Variants in PRDM11 observed in about 807,000 individuals in gnomAD.
PRDM11 encodes PR domain-containing protein 11.
Under a neutral mutation model 97.8 loss-of-function variants are expected in PRDM11, and 20 were observed. The ratio of observed to expected loss-of-function variants is 0.20; its 90% CI spans 0.14 to 0.30. The LOEUF (loss-of-function observed/expected upper bound fraction) is 0.30, where lower values mean the gene tolerates loss of function less well. Among genes scored for constraint, PRDM11 ranks in the 10% least tolerant of loss-of-function variants. The pLI, the probability that PRDM11 is intolerant of heterozygous loss-of-function variation, is 1.00. For synonymous variants in PRDM11, 599 were observed against 637.7 expected (o/e 0.94, Z 0.91); for missense variants, 1,139 against 1,555.2 (o/e 0.73, Z 4.50).
At chr11:45,193,656 T>C (rs1000444170) in intron 4 of PRDM11, among the ~76,000 whole-genome samples, 1 of 152,246 alleles carries the variant, frequency 6.6e-6, no homozygotes, top group Non-Finnish European at 1.5e-5. Flanking sequence ...TTAAAAATCA[T>C]TCTTAGCCTG....
chr11:45,198,342 G>C (rs769913060), intron 4 of PRDM11, among the ~76,000 whole-genome samples: 2 of 152,230 alleles, frequency 1.3e-5, no homozygotes, highest in Non-Finnish European at 2.9e-5. Context: ...CAGGTCTTCA[G>C]TTGGCTGGGC....
At chr11:45,192,598 A>T (rs1247604961) in intron 4 of PRDM11, among the ~76,000 whole-genome samples, 1 of 152,252 alleles carries the variant, frequency 6.6e-6, no homozygotes, top group Non-Finnish European at 1.5e-5. Flanking sequence ...TTTCCAGTAC[A>T]GACCAGCTCC....
rs1363126766 is a variant in PRDM11 at position 45,228,413 on chromosome 11, C to T, written c.*254C>T. The T allele has an allele frequency of 6.5e-6, 1 of 154,190 alleles. No homozygotes were observed. The highest frequency in any genetic ancestry group is 2.4e-5 in the African/African-American group (1 of 41,392). 9.6% of individuals were successfully genotyped at this position (154,190 alleles called of 1,614,324 possible). A position where few individuals can be genotyped will look rare whatever the true frequency, so the allele number is the denominator to read the frequency against. On this transcript the variant is annotated 3_prime_UTR_variant, in exon 8 of 8. Transcript: ENST00000683152. ...AATTTGGCAGCTGCAACATACATGG[C>T]AACTCATTTTCACTCACAGAAGCAC...
At chr11:45,171,527 A>G (rs1852200978) in intron 1 of PRDM11, among the ~76,000 whole-genome samples, 1 of 152,094 alleles carries the variant, frequency 6.6e-6, no homozygotes, top group Admixed American at 6.5e-5. Flanking sequence ...TCTTGGGCTT[A>G]AGGGAGAGGG....
At chr11:45,185,753 C>T (rs1258780952) in intron 4 of PRDM11, among the ~76,000 whole-genome samples, 1 of 152,110 alleles carries the variant, frequency 6.6e-6, no homozygotes, top group Non-Finnish European at 1.5e-5. Context: ...CATAATGTCC[C>T]CCCAAAAATG....
intron 1 of PRDM11, among the ~76,000 whole-genome samples, chr11:45,111,886 T>C (rs1852189514): frequency 6.6e-6 from 1 of 152,214 alleles, no homozygotes; most frequent in East Asian, 1.9e-4. Flanking sequence ...ATCAGGCTGA[T>C]ACTGTACAAT....
intron 1 of PRDM11, among the ~76,000 whole-genome samples, chr11:45,149,129 G>A (rs1851598224): frequency 6.6e-6 from 1 of 152,248 alleles, no homozygotes; most frequent in Non-Finnish European, 1.5e-5. Flanking sequence ...TCAAGCCATC[G>A]CTGTCTCTCC....
intron 1 of PRDM11, among the ~76,000 whole-genome samples, chr11:45,132,006 C>T (rs1852732212): frequency 6.6e-6 from 1 of 152,148 alleles, no homozygotes; most frequent in African/African-American, 2.4e-5. Context: ...AGCTGAGCAA[C>T]AGAAAGAGGA....
chr11:45,186,375 G>A (rs1852706610), intron 4 of PRDM11, among the ~76,000 whole-genome samples: 2 of 152,208 alleles, frequency 1.3e-5, no homozygotes, highest in Non-Finnish European at 2.9e-5. Context: ...GCACTCTGGT[G>A]TGTGTGGCTC....
Position 45,227,041 on chromosome 11 carries a change from C to T in PRDM11, c.2416C>T (p.Arg806Trp), listed in dbSNP as rs943860266. The change falls in exon 8 of 8, where the codon CGG becomes TGG. Residue 806 changes from arginine to tryptophan, a missense_variant. Arg to Trp is a moderately radical substitution (Grantham distance 101). Transcript: ENST00000683152. This position sits in a 1 kb window ranked among gnomAD's most constrained non-coding sequence, Gnocchi z 8.0. Reference protein sequence around the residue: ...RYSPRLMCELRSTAATLCEET... With the variant: ...RYSPRLMCELWSTAATLCEET... The stretch of plus-strand genomic sequence containing the variant: ...CTCACCGCGCCTCATGTGCGAGCTG[C>T]GGTCCACGGCGGCCACCCTTTGTGA... 1 of 1,533,806 alleles carries T rather than the reference C, an allele frequency of 6.5e-7. No individual in the cohort carries two copies. The highest frequency in any genetic ancestry group is 8.7e-7 in the Non-Finnish European group (1 of 1,146,738).
intron 1 of PRDM11, among the ~76,000 whole-genome samples, chr11:45,169,248 C>T (rs935950780): frequency 2.6e-5 from 4 of 152,222 alleles, no homozygotes; most frequent in African/African-American, 4.8e-5. Context: ...AGCCCCTAGG[C>T]ATCACTAGTA....
intron 4 of PRDM11, among the ~76,000 whole-genome samples, chr11:45,183,770 G>A (rs918708314): frequency 2.3e-4 from 35 of 152,296 alleles, no homozygotes; most frequent in African/African-American, 8.2e-4. Context: ...ATAGGGGAGG[G>A]TGGGGTAATA....
At chr11:45,187,553 C>CACG (rs1003034051) in intron 4 of PRDM11, among the ~76,000 whole-genome samples, 5 of 152,188 alleles carry the variant, frequency 3.3e-5, no homozygotes, top group Non-Finnish European at 2.9e-5. Context: ...CTCCACCAGT[C>CACG]ACGAGTAGGC....
At position 45,165,985 on chromosome 11, in the gene PRDM11, C is replaced by T. The variant is rs374002940; in HGVS notation, c.-6-15776C>T. The stretch of plus-strand genomic sequence containing the variant: ...AGACTCCAGACAGCTGCTGTGCAGC[C>T]TTGTTCAAGCCACTTAACCTCTCTG... On this transcript the variant is annotated intron_variant, in intron 1 of 7. Transcript: ENST00000683152. Among the ~76,000 whole-genome samples the T allele has an allele frequency of 1.8e-4, 28 of 152,190 alleles. 1 individual carries two copies. Among genetic ancestry groups the T allele is most frequent in the East Asian group, 1.5e-3 (8 of 5,188 alleles).
intron 4 of PRDM11, among the ~76,000 whole-genome samples, chr11:45,200,011 G>A (rs546362779): frequency 9.2e-5 from 14 of 152,264 alleles, no homozygotes; most frequent in African/African-American, 2.4e-4. Context: ...TCTCTTCTGC[G>A]TCCCGCTAGG....
At chr11:45,100,674 G>A (rs913076001) in intron 1 of PRDM11, among the ~76,000 whole-genome samples, 1 of 152,248 alleles carries the variant, frequency 6.6e-6, no homozygotes, top group African/African-American at 2.4e-5. Context: ...CCAGTCAACA[G>A]CTTCCCATCC....
chr11:45,229,465 GACACACACACACACACAGAC>G lies in PRDM11; in HGVS notation c.*1322_*1341del, dbSNP rs749583484. 1.2e-4 allele frequency: 4 copies of G among 32,410 alleles called. No individual in the cohort carries two copies. Among genetic ancestry groups the G allele is most frequent in the East Asian group, 7.4e-4 (2 of 2,698 alleles). The allele number at this position is 32,410 out of a possible 1,614,324, so 2.0% of individuals were successfully genotyped here. On this transcript the variant is annotated 3_prime_UTR_variant, in exon 8 of 8. Transcript: ENST00000683152. ...GACTCTCAAGGCATCAGCCTACACA[GACACACACACACACACAGAC>G]ACACACACACACACAGACACACACA...
chr11:45,159,353 C>G (rs576550531), intron 1 of PRDM11, among the ~76,000 whole-genome samples: 11 of 152,346 alleles, frequency 7.2e-5, no homozygotes, highest in African/African-American at 2.4e-4. Flanking sequence ...GTTGCCACCC[C>G]CTTTTCTCAG....
intron 5 of PRDM11, among the ~76,000 whole-genome samples, chr11:45,206,931 C>T (rs561216202): frequency 3.9e-5 from 6 of 152,312 alleles, no homozygotes; most frequent in South Asian, 4.1e-4. Flanking sequence ...CCAGGTGAAG[C>T]GTGGCTTCCT....
Sources: allele counts gnomAD v4.1 joint callset (sites outside exome capture counted in the v4.1 genomes callset), GRCh38; gene constraint gnomAD v4.1.1; non-coding constraint Gnocchi (gnomAD v3.1); transcripts MANE v1.5; gene names NCBI Gene and HGNC (gene_info 2026-07-23, HGNC 2026-07-21).